Variants in FAT3 observed in about 807,000 individuals in gnomAD.
FAT3 encodes protocadherin Fat 3.
A neutral mutation model predicts 310.2 loss-of-function variants in FAT3; 95 were observed. The ratio of observed to expected loss-of-function variants is 0.31; its 90% CI spans 0.26 to 0.36. The LOEUF (loss-of-function observed/expected upper bound fraction) is 0.36. Ranked by LOEUF, FAT3 falls within the 10% of genes least tolerant of loss-of-function variation. The probability of loss-of-function intolerance (pLI) is 1.00; values close to 1 mark genes in which losing one functional copy is unlikely to be tolerated. For missense variants in FAT3, 5,408 were observed against 5,715.6 expected, an observed-to-expected ratio of 0.95 and a Z score of 1.74; for synonymous variants, 2,314 against 2,192.9, an observed-to-expected ratio of 1.06 and a Z score of -1.54.
chr11:92,666,866 T>G (rs1385512350), intron 3 of FAT3, among the ~76,000 whole-genome samples: 15 of 152,142 alleles, frequency 9.9e-5, no homozygotes, highest in Admixed American at 9.8e-4. Context: ...TGGACCAGCC[T>G]GAGCACACAT....
chr11:92,640,527 T>A (rs1591551959), intron 3 of FAT3, among the ~76,000 whole-genome samples: 1 of 152,114 alleles, frequency 6.6e-6, no homozygotes, highest in Non-Finnish European at 1.5e-5. Flanking sequence ...GTTAGAAACA[T>A]GAGAAAGTTT....
intron 2 of FAT3, among the ~76,000 whole-genome samples, chr11:92,443,583 G>T (rs191207878): frequency 7.2e-5 from 11 of 152,234 alleles, no homozygotes; most frequent in African/African-American, 2.4e-4. Context: ...TTTTTAAGTC[G>T]CCAAGACTAG....
chr11:92,783,441 T>A (rs1946807517), intron 7 of FAT3, among the ~76,000 whole-genome samples: 1 of 139,414 alleles, frequency 7.2e-6, no homozygotes, highest in African/African-American at 2.7e-5. Flanking sequence ...CAACTACAAA[T>A]GTATATAGAT....
At chr11:92,813,726 T>A (rs1947744769) in intron 13 of FAT3, among the ~76,000 whole-genome samples, 1 of 152,240 alleles carries the variant, frequency 6.6e-6, no homozygotes, top group African/African-American at 2.4e-5. Flanking sequence ...CTCTTAAGAT[T>A]CATCCAAGTT....
At chr11:92,889,403 GA>G (rs11318085) in intron 26 of FAT3, among the ~76,000 whole-genome samples, 155 bp downstream of exon 26, 76,583 of 143,166 alleles carry the variant, frequency 0.53, 20,743 homozygotes, top group African/African-American at 0.72. Flanking sequence ...TTAAAATTTT[GA>G]AAAAAAAAAA....
intron 1 of FAT3, among the ~76,000 whole-genome samples, chr11:92,235,289 C>G (rs1864372460): frequency 6.6e-6 from 1 of 152,162 alleles, no homozygotes; most frequent in South Asian, 2.1e-4. Context: ...CCAACCCTCT[C>G]TAGTTCCTGT....
In FAT3 at chr11:92,644,081, G is replaced by A. The variant is rs373784666; in HGVS notation, c.3608-53303G>A. On this transcript the variant is annotated intron_variant, in intron 3 of 27. Coordinates refer to ENST00000525166, the MANE Select transcript of FAT3 (RefSeq NM_001367949.2). ...CCTGGGTGCCTCTGCTGCTGCCTGC[G>A]AGGGCAGCCCAGGGCAGTCTCCAGG... 2.6e-5 allele frequency among the ~76,000 whole-genome samples: 4 copies of A among 152,336 alleles called. No homozygotes were observed. The East Asian group carries it at 5.8e-4, about 22-fold the overall frequency.
intron 3 of FAT3, among the ~76,000 whole-genome samples, chr11:92,642,009 T>C (rs1475591901): frequency 6.6e-6 from 1 of 152,222 alleles, no homozygotes; most frequent in Non-Finnish European, 1.5e-5. Flanking sequence ...AGTCTGAATT[T>C]TCATGAAAGC....
chr11:92,411,945 AT>A (rs1950279357), intron 2 of FAT3, among the ~76,000 whole-genome samples: 2 of 151,738 alleles, frequency 1.3e-5, no homozygotes, highest in Admixed American at 1.3e-4. Context: ...TTTCTCTTAC[AT>A]TCCAACCCTT....
chr11:92,723,954 T>A (rs1944931441), intron 4 of FAT3, among the ~76,000 whole-genome samples: 1 of 152,192 alleles, frequency 6.6e-6, no homozygotes, highest in Non-Finnish European at 1.5e-5. Context: ...TGAGTTCCAT[T>A]GTGATAGAGG....
rs770331852 is a variant in FAT3 at position 92,866,105 on chromosome 11, C to A, written c.11659-636C>A. On this transcript the variant is annotated intron_variant, in intron 21 of 27. Transcript: ENST00000525166. ...GTTTAATATAGAGCAGCTTTTAAAT[C>A]TTAAATGTAGACAAAGCTGAGAACT... 2.0e-5 allele frequency among the ~76,000 whole-genome samples: 3 copies of A among 152,208 alleles called. No homozygotes were observed. The East Asian group carries it at 5.8e-4, about 29-fold the overall frequency.
intron 2 of FAT3, among the ~76,000 whole-genome samples, chr11:92,402,240 C>T (rs554654274): frequency 6.6e-5 from 10 of 152,026 alleles, no homozygotes; most frequent in African/African-American, 2.2e-4. Flanking sequence ...AACACAACCA[C>T]GGGAAAAAAT....
intron 9 of FAT3, among the ~76,000 whole-genome samples, chr11:92,794,478 A>G (rs1947117850): frequency 6.6e-6 from 1 of 152,096 alleles, no homozygotes; most frequent in Non-Finnish European, 1.5e-5. Context: ...CCTGCTTTTT[A>G]TATTTGTCAT....
chr11:92,735,924 T>G (rs943900123), intron 4 of FAT3, among the ~76,000 whole-genome samples: 1 of 152,162 alleles, frequency 6.6e-6, no homozygotes, highest in Non-Finnish European at 1.5e-5. Context: ...GAGGTAGATA[T>G]TGCTATTCCC....
chr11:92,794,068 A>C (rs1010366912), intron 9 of FAT3, among the ~76,000 whole-genome samples: 7 of 152,196 alleles, frequency 4.6e-5, no homozygotes, highest in African/African-American at 1.7e-4. Context: ...CATAATAGCA[A>C]AGTTTCCGGA....
At chr11:92,585,656 A>G (rs928392285) in intron 3 of FAT3, among the ~76,000 whole-genome samples, 41 of 152,070 alleles carry the variant, frequency 2.7e-4, no homozygotes, top group African/African-American at 8.4e-4. Context: ...AAGCAGGAGC[A>G]CAGAGAGGTT....
intron 3 of FAT3, among the ~76,000 whole-genome samples, chr11:92,557,236 G>C (rs1035949571): frequency 6.6e-6 from 1 of 151,936 alleles, no homozygotes; most frequent in African/African-American, 2.4e-5. Flanking sequence ...TTACCATTAT[G>C]CTGCTTATTA....
chr11:92,227,145 G>C (rs1863953041), intron 1 of FAT3, among the ~76,000 whole-genome samples: 1 of 152,154 alleles, frequency 6.6e-6, no homozygotes. Context: ...ATGTTTAAAA[G>C]ATACACATGA....
At chr11:92,682,307 A>G (rs188687017) in intron 3 of FAT3, among the ~76,000 whole-genome samples, 4 of 152,342 alleles carry the variant, frequency 2.6e-5, no homozygotes, top group Non-Finnish European at 5.9e-5. Flanking sequence ...TACTCAGACA[A>G]TTTAATTGGT....
Sources: allele counts gnomAD v4.1 joint callset (sites outside exome capture counted in the v4.1 genomes callset), GRCh38; gene constraint gnomAD v4.1.1; transcripts MANE v1.5; gene names NCBI Gene and HGNC (gene_info 2026-07-23, HGNC 2026-07-21).